Variants in RGS12 observed in about 807,000 individuals in gnomAD.
The protein encoded by RGS12 is regulator of G protein signaling 12, also known as regulator of G-protein signaling 12.
A neutral mutation model predicts 120.1 loss-of-function variants in RGS12; 66 were observed. The ratio of observed to expected loss-of-function variants is 0.55; its 90% CI spans 0.45 to 0.67. RGS12 has a LOEUF of 0.67. RGS12 is among the 30% of genes least tolerant of loss of function. RGS12 has a pLI of 0.00. For missense variants in RGS12, 1,859 were observed against 1,957.7 expected, an observed-to-expected ratio of 0.95 and a Z score of 0.95; for synonymous variants, 827 against 804.7, an observed-to-expected ratio of 1.03 and a Z score of -0.47.
At chr4:3,312,420 C>T (rs1724459659) in intron 1 of RGS12, 2 of 202,352 alleles carry the variant, frequency 9.9e-6, no homozygotes, top group South Asian at 9.2e-5. Flanking sequence ...CCTTTGCCCA[C>T]GTGGTGAACA....
chr4:3,297,819 C>G (rs74972913), intron 1 of RGS12, among the ~76,000 whole-genome samples: 3,990 of 152,258 alleles, frequency 0.026, 163 homozygotes, highest in African/African-American at 0.087. Flanking sequence ...GCTCCCTGTG[C>G]ACTGGGTCCT....
intron 3 of RGS12, among the ~76,000 whole-genome samples, chr4:3,359,906 A>G (rs1471373187): frequency 6.6e-6 from 1 of 151,974 alleles, no homozygotes; most frequent in Non-Finnish European, 1.5e-5. Flanking sequence ...TACAGGCATG[A>G]GCCACCGTGC....
At chr4:3,371,267 G>A (rs972502754) in intron 3 of RGS12, among the ~76,000 whole-genome samples, 1 of 152,208 alleles carries the variant, frequency 6.6e-6, no homozygotes, top group Non-Finnish European at 1.5e-5. Context: ...CTTCTTTGGG[G>A]CGTGCCTGCC....
chr4:3,368,510 C>CTG (rs1334806766), intron 3 of RGS12, among the ~76,000 whole-genome samples: 3 of 98,070 alleles, frequency 3.1e-5, no homozygotes, highest in East Asian at 3.3e-4. Flanking sequence ...GTGTGGGTGC[C>CTG]TGTGTGTGTG....
At chr4:3,414,338 G>A in intron 5 of RGS12, 97 bp downstream of exon 5, 3 of 1,370,770 alleles carry the variant, frequency 2.2e-6, no homozygotes, top group Non-Finnish European at 2.9e-6. Flanking sequence ...GCGGCACCCT[G>A]CGGGCCCTGA....
chr4:3,367,310 C>T (rs1200568433), intron 3 of RGS12, among the ~76,000 whole-genome samples: 9 of 152,268 alleles, frequency 5.9e-5, no homozygotes, highest in East Asian at 3.8e-4. Flanking sequence ...TCGCCCTTTC[C>T]GAGCTAGCAC....
rs1429038200 is a variant in RGS12, at chr4:3,316,648, A to G, written c.478A>G (p.Asn160Asp). The G allele has an allele frequency of 1.2e-6, 2 of 1,614,180 alleles. No homozygotes were observed. Among genetic ancestry groups the G allele is most frequent in the African/African-American group, 1.3e-5 (1 of 75,056 alleles). ...TGAAAACCCGAGCCTTTGTGCGAGC[A>G]ATTCAGAGCCCTTGAAATTGAAACA... is the stretch of plus-strand genomic sequence containing the variant. The part of the protein sequence containing the change: ...IFENPSLCAS[N>D]SEPLKLKQRS... Residue 160 changes from asparagine (N) to aspartate (D), a missense_variant, in exon 2 of 18, where the codon AAT becomes GAT. Transcript: ENST00000336727.
chr4:3,429,163 C>T (rs1418724083), intron 16 of RGS12, among the ~76,000 whole-genome samples: 3 of 152,314 alleles, frequency 2.0e-5, no homozygotes. Flanking sequence ...TTGCTGAGCT[C>T]TCTTGGCTGC....
At chr4:3,368,902 G>T (rs1010029330) in intron 3 of RGS12, among the ~76,000 whole-genome samples, 4 of 152,110 alleles carry the variant, frequency 2.6e-5, no homozygotes, top group African/African-American at 9.7e-5. Flanking sequence ...TGCCATGCCT[G>T]TCGTACCTAA....
At chr4:3,344,964 C>T (rs189762956) in intron 3 of RGS12, among the ~76,000 whole-genome samples, 64 of 152,314 alleles carry the variant, frequency 4.2e-4, no homozygotes, top group Middle Eastern at 3.4e-3. Context: ...TTGAGCCCAT[C>T]GTCCTGAATA....
rs774898293 is a variant in RGS12 at position 3,417,580 on chromosome 4, G to A, written c.2761+39G>A. ...CTCCTGGGCTGTGGTGTCCAGGCCAGGCAGCCGCGTCCCCGTCCTGGCGTC... is the reference window on the plus strand; with the variant it reads ...CTCCTGGGCTGTGGTGTCCAGGCCAAGCAGCCGCGTCCCCGTCCTGGCGTC... On this transcript the variant is annotated intron_variant, in intron 9 of 17. Transcript: ENST00000336727. 5.0e-6 allele frequency: 8 copies of A among 1,600,628 alleles called. No individual in the cohort carries two copies. In the South Asian group the frequency reaches 6.6e-5, roughly 13 times the overall value.
rs1724719616 is a variant in RGS12, at chr4:3,316,122, G to A, written c.-49G>A. The A allele has an allele frequency of 7.4e-6, 11 of 1,491,976 alleles. No individual in the cohort carries two copies. Among genetic ancestry groups the A allele is most frequent in the Non-Finnish European group, 8.1e-6 (9 of 1,114,610 alleles). 92.4% of individuals were successfully genotyped at this position (1,491,976 alleles called of 1,614,324 possible). On this transcript the variant is annotated 5_prime_UTR_variant, in exon 2 of 18. Transcript: ENST00000336727. ...AGCATCAAGCATTCCTTGAAATATG[G>A]CTCCAAGGGAACAATGAGACGTGCT...
chr4:3,347,760 T>TA (rs2108793592), intron 3 of RGS12, among the ~76,000 whole-genome samples: 1 of 152,240 alleles, frequency 6.6e-6, no homozygotes, highest in East Asian at 1.9e-4. Context: ...TAACAATGGA[T>TA]AAGGAAAACA....
At chr4:3,373,299 CAG>C (rs1374178392) in intron 3 of RGS12, among the ~76,000 whole-genome samples, 1 of 152,246 alleles carries the variant, frequency 6.6e-6, no homozygotes, top group Admixed American at 6.5e-5. Context: ...GGTCCCCCGA[CAG>C]AGAGTCCCAG....
chr4:3,316,034 C>T (rs1724715010), intron 1 of RGS12, 36 bp from the exon 2 acceptor site: 2 of 780,946 alleles, frequency 2.6e-6, no homozygotes, highest in African/African-American at 1.7e-5. Flanking sequence ...GAAAGATGGG[C>T]TCTTTAATAA....
At chr4:3,328,272 A>T (rs980340062) in intron 2 of RGS12, among the ~76,000 whole-genome samples, 6 of 152,292 alleles carry the variant, frequency 3.9e-5, no homozygotes, top group African/African-American at 1.4e-4. Context: ...GAGTGATGAG[A>T]CACTTCTGAA....
chr4:3,416,872 G>A lies in RGS12; in HGVS notation c.2428-41G>A, dbSNP rs763261695. 1.1e-4 allele frequency: 167 copies of A among 1,549,956 alleles called. 1 individual carries two copies. The highest frequency in any genetic ancestry group is 3.4e-4 in the Middle Eastern group (2 of 5,808). ...CCTCGCGCCTGAGGCTGCATGTCTG[G>A]GTCCCTCCTGTGACTGTCCCACCTT... On this transcript the variant is annotated intron_variant, in intron 7 of 17. Coordinates refer to ENST00000336727, the MANE Select transcript of RGS12 (RefSeq NM_001394154.1).
intron 3 of RGS12, among the ~76,000 whole-genome samples, chr4:3,358,116 T>C (rs1390358907): frequency 1.3e-5 from 2 of 152,230 alleles, no homozygotes; most frequent in Non-Finnish European, 2.9e-5. Flanking sequence ...GTTAATGTAA[T>C]TGTTTTTATA....
At chr4:3,428,808 G>A (rs764540820) in intron 16 of RGS12, 97 bp downstream of exon 16, 19 of 1,097,606 alleles carry the variant, frequency 1.7e-5, no homozygotes, top group Non-Finnish European at 2.5e-5. Context: ...GCATCTGGGT[G>A]ACTGCGGTCC....
Sources: allele counts gnomAD v4.1 joint callset (sites outside exome capture counted in the v4.1 genomes callset), GRCh38; gene constraint gnomAD v4.1.1; transcripts MANE v1.5; gene names NCBI Gene and HGNC (gene_info 2026-07-23, HGNC 2026-07-21).